Variants in SH3RF3 observed in about 807,000 individuals in gnomAD.
SH3RF3 encodes E3 ubiquitin-protein ligase SH3RF3.
A neutral mutation model predicts 66.3 loss-of-function variants in SH3RF3; 29 were observed. That is an observed-to-expected ratio of 0.44 (90% confidence interval 0.33 to 0.60). SH3RF3 has a LOEUF of 0.60. Ranked by LOEUF, SH3RF3 falls within the 20% of genes least tolerant of loss-of-function variation. The pLI is 0.04. For synonymous variants in SH3RF3, 583 were observed against 532.0 expected (o/e 1.10, Z -1.32); for missense variants, 1,194 against 1,190.9 (o/e 1.00, Z -0.04).
intron 5 of SH3RF3, among the ~76,000 whole-genome samples, chr2:109,430,109 C>A (rs1301918591): frequency 6.6e-6 from 1 of 152,166 alleles, no homozygotes; most frequent in Non-Finnish European, 1.5e-5. Flanking sequence ...GCTGATGAGC[C>A]CCCCACTCCA....
chr2:109,368,448 T>C (rs1683192405), intron 2 of SH3RF3, among the ~76,000 whole-genome samples: 1 of 152,214 alleles, frequency 6.6e-6, no homozygotes, highest in Non-Finnish European at 1.5e-5. Context: ...ATTTTTTTAA[T>C]GATTGGCCAA....
At chr2:109,149,072 A>G (rs949314613) in intron 1 of SH3RF3, among the ~76,000 whole-genome samples, 11 of 152,218 alleles carry the variant, frequency 7.2e-5, no homozygotes, top group East Asian at 1.9e-4. Flanking sequence ...AGAGGCTTCA[A>G]TTGAGTGCCT....
At chr2:109,447,931 C>CATGCAGGCAGAGCAGCAA (rs1451524020) in intron 7 of SH3RF3, among the ~76,000 whole-genome samples, 3 of 152,206 alleles carry the variant, frequency 2.0e-5, no homozygotes, top group Admixed American at 1.3e-4. Flanking sequence ...GGTGCTTCGA[C>CATGCAGGCAGAGCAGCAA]ATGCAGGCAG....
chr2:109,170,098 A>G (rs1677725133), intron 1 of SH3RF3, among the ~76,000 whole-genome samples: 2 of 152,192 alleles, frequency 1.3e-5, no homozygotes, highest in African/African-American at 4.8e-5. Context: ...TATAATCTCT[A>G]CAAGTTTCCT....
intron 3 of SH3RF3, among the ~76,000 whole-genome samples, chr2:109,397,635 C>T (rs1213452110): frequency 6.6e-6 from 1 of 152,120 alleles, no homozygotes; most frequent in Non-Finnish European, 1.5e-5. Context: ...TAACTGAGGC[C>T]CTGAGGACCA....
chr2:109,383,374 C>T (rs1256050037), intron 3 of SH3RF3, among the ~76,000 whole-genome samples: 2 of 152,178 alleles, frequency 1.3e-5, no homozygotes, highest in African/African-American at 4.8e-5. Flanking sequence ...GGAGATCTAT[C>T]CTACAGGTCT....
intron 2 of SH3RF3, among the ~76,000 whole-genome samples, chr2:109,370,308 C>T (rs1042531612): frequency 4.0e-5 from 6 of 151,646 alleles, no homozygotes; most frequent in Admixed American, 2.6e-4. Flanking sequence ...GGTACGATCT[C>T]GGCTCACTGC....
At chr2:109,192,116 T>C (rs1468537804) in intron 1 of SH3RF3, among the ~76,000 whole-genome samples, 3 of 152,174 alleles carry the variant, frequency 2.0e-5, no homozygotes, top group Non-Finnish European at 4.4e-5. Flanking sequence ...AATTTTGGAC[T>C]CAGAGTTCTT....
At chr2:109,196,065 C>G (rs1005196139) in intron 1 of SH3RF3, among the ~76,000 whole-genome samples, 3 of 152,188 alleles carry the variant, frequency 2.0e-5, no homozygotes, top group African/African-American at 7.2e-5. Flanking sequence ...TCGAAGGGCT[C>G]CAGAGGGAAC....
intron 2 of SH3RF3, among the ~76,000 whole-genome samples, chr2:109,360,647 T>C (rs1683035058): frequency 6.6e-6 from 1 of 152,204 alleles, no homozygotes; most frequent in South Asian, 2.1e-4. Flanking sequence ...GGAAAGCAAT[T>C]GACTTTTGTA....
intron 1 of SH3RF3, among the ~76,000 whole-genome samples, chr2:109,333,231 T>C (rs1487668305): frequency 6.6e-6 from 1 of 152,248 alleles, no homozygotes; most frequent in African/African-American, 2.4e-5. Context: ...GGCATTCTCC[T>C]GCCTGTAGTT....
intron 1 of SH3RF3, among the ~76,000 whole-genome samples, chr2:109,204,098 A>G (rs1678751574): frequency 6.6e-6 from 1 of 152,242 alleles, no homozygotes; most frequent in Admixed American, 6.5e-5. Context: ...TGTCATGAAC[A>G]GTCTCAGACA....
intron 1 of SH3RF3, among the ~76,000 whole-genome samples, chr2:109,302,413 G>T (rs909801645): frequency 6.6e-6 from 1 of 152,348 alleles, no homozygotes; most frequent in Admixed American, 6.5e-5. Context: ...CAGAACTGGT[G>T]CAATCCTGCC....
At position 109,398,749 on chromosome 2, in the gene SH3RF3, C is replaced by T. The variant is rs376274165; in HGVS notation, c.1105C>T (p.Arg369Cys). 2.2e-5 allele frequency: 36 copies of T among 1,613,396 alleles called. No homozygotes were observed. Among genetic ancestry groups the T allele is most frequent in the South Asian group, 4.4e-5 (4 of 90,924 alleles). The change falls in exon 4 of 10, where the codon CGT becomes TGT. Residue 369 changes from arginine to cysteine, a missense_variant. Coordinates refer to ENST00000309415, the MANE Select transcript of SH3RF3 (RefSeq NM_001099289.3). Reference protein sequence around the residue: ...SSGAVSAFQRRVDGKKNTKKR... With the variant: ...SSGAVSAFQRCVDGKKNTKKR... ...AGGGGCGGTCAGTGCCTTTCAGCGG[C>T]GTGTGGATGGCAAGAAGAACACCAA...
rs755673043 is a variant in SH3RF3, at chr2:109,398,772, C to T, written c.1128C>T (p.Thr376=). ...FQRRVDGKKN[T]KKRHSFTALS... ...GGCGTGTGGATGGCAAGAAGAACAC[C>T]AAGAAACGCCACTCCTTCACCGCGC... Residue 376 remains threonine, a synonymous_variant, in exon 4 of 10, where the codon ACC becomes ACT. Coordinates refer to ENST00000309415, the MANE Select transcript of SH3RF3 (RefSeq NM_001099289.3). The T allele has an allele frequency of 1.9e-6, 3 of 1,613,600 alleles. No homozygotes were observed. The highest frequency in any genetic ancestry group is 2.5e-6 in the Non-Finnish European group (3 of 1,179,796).
chr2:109,437,425 A>T (rs572722827), intron 7 of SH3RF3, among the ~76,000 whole-genome samples: 1 of 152,130 alleles, frequency 6.6e-6, no homozygotes, highest in Non-Finnish European at 1.5e-5. Context: ...TTATCATGTT[A>T]CCCATCCTGG....
intron 1 of SH3RF3, among the ~76,000 whole-genome samples, chr2:109,331,843 G>A (rs1179490348): frequency 6.6e-6 from 1 of 152,156 alleles, no homozygotes; most frequent in African/African-American, 2.4e-5. Context: ...GGGGCACCCT[G>A]TCATGCCCCT....
chr2:109,241,621 A>T (rs1310630030), intron 1 of SH3RF3, among the ~76,000 whole-genome samples: 2 of 151,916 alleles, frequency 1.3e-5, no homozygotes, highest in African/African-American at 4.8e-5. Flanking sequence ...CTCTGCTGGG[A>T]GGGCCCCTGG....
intron 1 of SH3RF3, among the ~76,000 whole-genome samples, chr2:109,320,041 T>C (rs1010013669): frequency 6.6e-6 from 1 of 152,178 alleles, no homozygotes; most frequent in African/African-American, 2.4e-5. Flanking sequence ...TTCTAGGTCT[T>C]CACGGAGCTA....
Sources: gnomAD v4.1 joint callset for allele counts (sites outside exome capture counted in the v4.1 genomes callset) on GRCh38, gnomAD v4.1.1 for gene constraint, MANE v1.5 for transcripts, NCBI Gene and HGNC (gene_info 2026-07-23, HGNC 2026-07-21) for gene names.